Variants in RNF151 observed in about 807,000 individuals in gnomAD.
RNF151 encodes the protein ring finger protein 151.
Under a neutral mutation model 11.1 loss-of-function variants are expected in RNF151, and 9 were observed. That is an observed-to-expected ratio of 0.81 (90% CI 0.49 to 1.42). RNF151 has a LOEUF of 1.42. Among genes scored for constraint, RNF151 ranks in the 40% most tolerant of loss-of-function variants. The pLI, the probability that RNF151 is intolerant of heterozygous loss-of-function variation, is 0.00. For missense variants in RNF151, 372 were observed against 342.9 expected (o/e 1.08, Z -0.67); for synonymous variants, 172 against 140.7 (o/e 1.22, Z -1.58).
At position 1,967,841 on chromosome 16, in the gene RNF151, C is replaced by A. The variant is rs375368740; in HGVS notation, c.246+20C>A. Reference sequence around the variant, plus strand: ...GTCAAGGTAGCTCAAAGTACCCACTCCCCTGACCCTCAACCCTTCTCACCC... The same window carrying A: ...GTCAAGGTAGCTCAAAGTACCCACTACCCTGACCCTCAACCCTTCTCACCC... On this transcript the variant is annotated intron_variant, in intron 3 of 3. Transcript: ENST00000569714. 49 of 1,555,598 alleles carry A rather than the reference C, an allele frequency of 3.1e-5. No individual in the cohort carries two copies. The East Asian group carries it at 1.0e-3, about 33-fold the overall frequency.
chr16:1,967,495 G>A, intron 2 of RNF151, 76 bp downstream of exon 2: 2 of 1,370,582 alleles, frequency 1.5e-6, no homozygotes, highest in Non-Finnish European at 2.0e-6. Flanking sequence ...GAACAGAGGG[G>A]AAAGTCAGCC....
intron 1 of RNF151, 147 bp from the exon 2 acceptor site, chr16:1,967,127 C>T (rs2083317556): frequency 4.6e-6 from 5 of 1,092,072 alleles, no homozygotes; most frequent in South Asian, 3.1e-5. Context: ...CACAGCTGCC[C>T]CCTCAAAGTG....
chr16:1,966,939 AC>A, intron 1 of RNF151, 55 bp downstream of exon 1: 1 of 1,531,366 alleles, frequency 6.5e-7, no homozygotes, highest in South Asian at 1.2e-5. Context: ...AACTCCAGAA[AC>A]CTGCCCAGTT....
chr16:1,966,894 G>C lies in RNF151; in HGVS notation c.3+10G>C. 6.4e-7 allele frequency: 1 copy of C among 1,574,450 alleles called. No individual in the cohort carries two copies. Among genetic ancestry groups the C allele is most frequent in the Non-Finnish European group, 8.6e-7 (1 of 1,156,204 alleles). ...CTAGACGCAGATCATGGTGAGCCTG[G>C]GGCCCTCTTGCTTCCAGCCCTGAGA... is the stretch of plus-strand genomic sequence containing the variant. On this transcript the variant is annotated intron_variant, in intron 1 of 3. Transcript: ENST00000569714.
chr16:1,967,855 C>A (rs1444796607), intron 3 of RNF151, 34 bp downstream of exon 3: 2 of 1,461,650 alleles, frequency 1.4e-6, no homozygotes, highest in Non-Finnish European at 1.9e-6. Flanking sequence ...TGACCCTCAA[C>A]CCTTCTCACC....
rs2083324491 is a variant in RNF151 at position 1,967,770 on chromosome 16, G to T, written c.195G>T (p.Lys65Asn). ...PCCRKEVKRK[K>N]VVHMNKLRKT... ...GTAGGAAAGAGGTGAAAAGGAAAAAGGTTGTCCACATGAATAAACTCCGGA... is the reference window on the plus strand; with the variant it reads ...GTAGGAAAGAGGTGAAAAGGAAAAATGTTGTCCACATGAATAAACTCCGGA... The change falls in exon 3 of 4, where the codon AAG becomes AAT. Residue 65 changes from lysine to asparagine, a missense_variant. Transcript: ENST00000569714. 6.2e-7 allele frequency: 1 copy of T among 1,612,366 alleles called. No homozygotes were observed. The highest frequency in any genetic ancestry group is 8.5e-7 in the Non-Finnish European group (1 of 1,179,280).
chr16:1,968,661 CA>C lies in RNF151; in HGVS notation c.476del (p.Asn159ThrfsTer89). 1 of 1,567,730 alleles carries C rather than the reference CA, an allele frequency of 6.4e-7. No homozygotes were observed. Among genetic ancestry groups the C allele is most frequent in the Non-Finnish European group, 8.6e-7 (1 of 1,157,318 alleles). On this transcript the variant is annotated frameshift_variant, in exon 4 of 4. Transcript: ENST00000569714. LOFTEE classifies it low-confidence loss of function (END_TRUNC). ...TGGACCCGGCCGAGCGTGCTCGCCACAACTGCTACCGGGAGCTGCACAACGC... is the reference window on the plus strand; with the variant it reads ...TGGACCCGGCCGAGCGTGCTCGCCACACTGCTACCGGGAGCTGCACAACGC... The part of the protein sequence containing the change: ...TLDPAERARH[N>X]CYRELHNAWS...
Position 1,968,654 on chromosome 16 carries a change from C to T in RNF151, c.467C>T (p.Ala156Val). ...CGATLDPAER[A>V]RHNCYRELHN... ...GCCACCCTGGACCCGGCCGAGCGTG[C>T]TCGCCACAACTGCTACCGGGAGCTG... The change falls in exon 4 of 4, where the codon GCT becomes GTT. Residue 156 changes from alanine (A) to valine (V), a missense_variant. Coordinates refer to ENST00000569714, the MANE Select transcript of RNF151 (RefSeq NM_174903.6). 3.2e-6 allele frequency: 5 copies of T among 1,566,498 alleles called. No individual in the cohort carries two copies. Among genetic ancestry groups the T allele is most frequent in the Non-Finnish European group, 3.5e-6 (4 of 1,156,636 alleles).
rs374548754 is a variant in RNF151 at position 1,968,643 on chromosome 16, G to A, written c.456G>A (p.Pro152=). The stretch of plus-strand genomic sequence containing the variant: ...TGGGCTGCGGGGCCACCCTGGACCC[G>A]GCCGAGCGTGCTCGCCACAACTGCT... ...CPLGCGATLD[P]AERARHNCYR... The change falls in exon 4 of 4, where the codon CCG becomes CCA. Residue 152 remains proline (P), a synonymous_variant. Transcript: ENST00000569714. The A allele has an allele frequency of 5.8e-4, 910 of 1,566,334 alleles. 7 individuals are homozygous for A. In the South Asian group the frequency reaches 9.8e-3, roughly 17 times the overall value.
Position 1,968,477 on chromosome 16 carries a change from C to T in RNF151, c.290C>T (p.Ala97Val). The part of the protein sequence containing the change: ...DAGCIVTCPL[A>V]HRKGHQDSCP... The stretch of plus-strand genomic sequence containing the variant: ...GGCTGCATAGTGACATGCCCCCTGG[C>T]CCATCGCAAGGGGCACCAGGACTCA... The change falls in exon 4 of 4, where the codon GCC (alanine) becomes GTC (valine). Residue 97 changes from alanine (A) to valine (V), a missense_variant. By Grantham distance (64) the Ala-to-Val change is moderately conservative. Transcript: ENST00000569714. 1.3e-6 allele frequency: 2 copies of T among 1,587,712 alleles called. No homozygotes were observed. Among genetic ancestry groups the T allele is most frequent in the Admixed American group, 3.4e-5 (2 of 58,308 alleles).
At chr16:1,967,126 C>T (rs1338156406) in intron 1 of RNF151, 148 bp from the exon 2 acceptor site, 1 of 1,077,706 alleles carries the variant, frequency 9.3e-7, no homozygotes, top group African/African-American at 1.6e-5. Flanking sequence ...CCACAGCTGC[C>T]CCCTCAAAGT....
chr16:1,968,403 G>A (rs754236183), intron 3 of RNF151, 31 bp from the exon 4 acceptor site: 59 of 1,496,728 alleles, frequency 3.9e-5, no homozygotes, highest in Non-Finnish European at 4.8e-5. Context: ...TGTCCTGCCC[G>A]GTTTCTTCAC....
In RNF151 at chr16:1,968,578, C is replaced by A; in HGVS notation, c.391C>A (p.Arg131=). Residue 131 remains arginine, a synonymous_variant, in exon 4 of 4, where the codon CGG becomes AGG. Coordinates refer to ENST00000569714, the MANE Select transcript of RNF151 (RefSeq NM_174903.6). Reference sequence around the variant, plus strand: ...GCCGCGTGGGACCCTGGCAGAGCACCGGCAGCATTGCCAGCAAGGGTCCCA... The same window carrying A: ...GCCGCGTGGGACCCTGGCAGAGCACAGGCAGCATTGCCAGCAAGGGTCCCA... ...QVPRGTLAEH[R]QHCQQGSQQR... 1 of 1,600,734 alleles carries A rather than the reference C, an allele frequency of 6.2e-7. No homozygotes were observed. The highest frequency in any genetic ancestry group is 1.1e-5 in the South Asian group (1 of 88,842).
chr16:1,967,590 G>C, intron 2 of RNF151, 135 bp from the exon 3 acceptor site: 1 of 924,470 alleles, frequency 1.1e-6, no homozygotes, highest in South Asian at 1.5e-5. Flanking sequence ...CCCACCCTCA[G>C]AGCTGAGAGC....
Position 1,968,937 on chromosome 16 carries a change from C to T in RNF151, c.*12C>T, listed in dbSNP as rs1212009169. 2 of 1,569,738 alleles carry T rather than the reference C, an allele frequency of 1.3e-6. No individual in the cohort carries two copies. The highest frequency in any genetic ancestry group is 1.2e-5 in the South Asian group (1 of 85,758). On this transcript the variant is annotated 3_prime_UTR_variant, in exon 4 of 4. Transcript: ENST00000569714. ...TACCTTGTAAATAGGTAAATAAAAG[C>T]AGACCCCCGGCCTGCCTGCCTCTGT...
chr16:1,968,206 C>A (rs569890477), intron 3 of RNF151, among the ~76,000 whole-genome samples: 2 of 152,322 alleles, frequency 1.3e-5, no homozygotes, highest in Admixed American at 1.3e-4. Flanking sequence ...ACCAACCCAA[C>A]TGTGTACCTT....
chr16:1,968,548 C>T lies in RNF151; in HGVS notation c.361C>T (p.Gln121Ter). Reference protein sequence around the residue: ...TACPNEGCTSQVPRGTLAEHR... With the variant: ...TACPNEGCTS ...CTGCCCCAACGAGGGCTGCACCTCG[C>T]AGGTGCCGCGTGGGACCCTGGCAGA... Residue 121 changes from glutamine to a stop codon, truncating the protein, a stop_gained, in exon 4 of 4, where the codon CAG (glutamine) becomes TAG (stop). Coordinates refer to ENST00000569714, the MANE Select transcript of RNF151 (RefSeq NM_174903.6). LOFTEE classifies it low-confidence loss of function (END_TRUNC). The T allele has an allele frequency of 6.2e-7, 1 of 1,609,280 alleles. No individual in the cohort carries two copies. Among genetic ancestry groups the T allele is most frequent in the South Asian group, 1.1e-5 (1 of 90,362 alleles).
chr16:1,968,360 G>A (rs757202986), intron 3 of RNF151, 74 bp from the exon 4 acceptor site: 57 of 1,440,572 alleles, frequency 4.0e-5, no homozygotes, highest in Non-Finnish European at 4.5e-5. Context: ...GGTTCCTGGC[G>A]AATGGAAAGC....
At position 1,968,566 on chromosome 16, in the gene RNF151, C is replaced by G; in HGVS notation, c.379C>G (p.Leu127Val). 1.1e-5 allele frequency: 17 copies of G among 1,606,344 alleles called. No homozygotes were observed. Among genetic ancestry groups the G allele is most frequent in the Non-Finnish European group, 1.4e-5 (17 of 1,177,232 alleles). Reference protein sequence around the residue: ...GCTSQVPRGTLAEHRQHCQQG... With the variant: ...GCTSQVPRGTVAEHRQHCQQG... ...CACCTCGCAGGTGCCGCGTGGGACC[C>G]TGGCAGAGCACCGGCAGCATTGCCA... Residue 127 changes from leucine to valine, a missense_variant, in exon 4 of 4, where the codon CTG (leucine) becomes GTG (valine). Physicochemically the swap from Leu to Val is conservative, Grantham distance 32. Coordinates refer to ENST00000569714, the MANE Select transcript of RNF151 (RefSeq NM_174903.6).
Sources: gnomAD v4.1 joint callset for allele counts (sites outside exome capture counted in the v4.1 genomes callset) on GRCh38, gnomAD v4.1.1 for gene constraint, MANE v1.5 for transcripts, NCBI Gene and HGNC (gene_info 2026-07-23, HGNC 2026-07-21) for gene names.